The following SLAMF6 variants were observed in gnomAD, a reference collection of about 807,000 sequenced individuals.
SLAMF6 encodes the protein NK-T-B-antigen.
A neutral mutation model predicts 38.3 loss-of-function variants in SLAMF6; 21 were observed. The observed-to-expected ratio is 0.55, with a 90% CI of 0.39 to 0.79. The LOEUF (loss-of-function observed/expected upper bound fraction) is 0.79. Ranked by LOEUF, SLAMF6 falls within the 30% of genes least tolerant of loss-of-function variation. The pLI is 0.00. For missense variants in SLAMF6, 341 were observed against 385.3 expected (o/e 0.89, Z 0.96); for synonymous variants, 152 against 146.3 (o/e 1.04, Z -0.28).
intron 2 of SLAMF6, among the ~76,000 whole-genome samples, chr1:160,492,246 T>C (rs1174168031): frequency 1.3e-5 from 2 of 152,184 alleles, no homozygotes; most frequent in Non-Finnish European, 2.9e-5. Context: ...AGGAAGAGAA[T>C]GACTCCAATT....
At chr1:160,498,574 T>A (rs779203024) in intron 1 of SLAMF6, among the ~76,000 whole-genome samples, 3 of 152,100 alleles carry the variant, frequency 2.0e-5, no homozygotes, top group Non-Finnish European at 4.4e-5. Context: ...ATCATGAGAA[T>A]AGCACAGGAA....
At chr1:160,493,836 C>T (rs1653427107) in intron 2 of SLAMF6, among the ~76,000 whole-genome samples, 1 of 152,116 alleles carries the variant, frequency 6.6e-6, no homozygotes, top group Non-Finnish European at 1.5e-5. Flanking sequence ...AAGCAAGTCA[C>T]GTCTTGCATG....
rs983192412 is a variant in SLAMF6 at position 160,523,213 on chromosome 1, G to A, written c.-21C>T. On this transcript the variant is annotated 5_prime_UTR_variant, in exon 1 of 8. Coordinates refer to ENST00000368057, the MANE Select transcript of SLAMF6 (RefSeq NM_001184714.2). ...AACATGCTTTCCGCGGTGAAGACTG[G>A]TGCTTGAGACCTTGAGGCAGTCAAT... 1 of 1,611,804 alleles carries A rather than the reference G, an allele frequency of 6.2e-7. No individual in the cohort carries two copies. Among genetic ancestry groups the A allele is most frequent in the African/African-American group, 1.3e-5 (1 of 74,934 alleles).
chr1:160,496,073 G>T lies in SLAMF6; in HGVS notation c.370C>A (p.Leu124Met), dbSNP rs1487656914. ...KTSAKLSSYT[L>M]RILRQLRNIQ... ...TATTTTGACTTACTTAATATCCTCAGAGTGTAACTGGACAGCTTTGCAGAG... is the reference window on the plus strand; with the variant it reads ...TATTTTGACTTACTTAATATCCTCATAGTGTAACTGGACAGCTTTGCAGAG... The change falls in exon 2 of 8, where the codon CTG (leucine) becomes ATG (methionine). Residue 124 changes from leucine (L) to methionine (M), a missense_variant. Coordinates refer to ENST00000368057, the MANE Select transcript of SLAMF6 (RefSeq NM_001184714.2). The T allele has an allele frequency of 6.2e-7, 1 of 1,612,402 alleles. No homozygotes were observed. The highest frequency in any genetic ancestry group is 8.5e-7 in the Non-Finnish European group (1 of 1,178,868).
chr1:160,508,489 A>C (rs1253507983), intron 1 of SLAMF6, among the ~76,000 whole-genome samples: 13 of 152,308 alleles, frequency 8.5e-5, no homozygotes, highest in South Asian at 6.2e-4. Context: ...CCTTCCTTAC[A>C]CCTTATACAG....
intron 1 of SLAMF6, among the ~76,000 whole-genome samples, chr1:160,518,725 A>G (rs1654857458): frequency 1.3e-5 from 2 of 151,738 alleles, no homozygotes; most frequent in Admixed American, 6.6e-5. Context: ...ATGAGAACAC[A>G]TGGACACAAG....
rs950220148 is a variant in SLAMF6, at chr1:160,514,931, T to A, written c.49+8213A>T. ...AAGATCTCAAATTGAAATGCTAACATTAAAACTAAAAGAACTGGAGAACCA... is the reference window on the plus strand; with the variant it reads ...AAGATCTCAAATTGAAATGCTAACAATAAAACTAAAAGAACTGGAGAACCA... On this transcript the variant is annotated intron_variant, in intron 1 of 7. Coordinates refer to ENST00000368057, the MANE Select transcript of SLAMF6 (RefSeq NM_001184714.2). Among the ~76,000 whole-genome samples the A allele has an allele frequency of 7.2e-5, 11 of 152,054 alleles. No individual in the cohort carries two copies. In the East Asian group the frequency reaches 2.1e-3, roughly 29 times the overall value.
chr1:160,487,123 G>A lies in SLAMF6; in HGVS notation c.932C>T (p.Thr311Ile), dbSNP rs759975118. Residue 311 changes from threonine (T) to isoleucine (I), a missense_variant, in exon 7 of 8, where the codon ACA becomes ATA. Physicochemically the swap from Thr to Ile is moderately conservative, Grantham distance 89. Transcript: ENST00000368057. The part of the protein sequence containing the change: ...RENDTITIYS[T>I]INHSKESKPT... Reference sequence around the variant, plus strand: ...GCTTACCTCTTTGGAATGATTAATTGTGGAGTAAATTGTGATAGTATCATT... The same window carrying A: ...GCTTACCTCTTTGGAATGATTAATTATGGAGTAAATTGTGATAGTATCATT... 6.2e-7 allele frequency: 1 copy of A among 1,612,832 alleles called. No homozygotes were observed. The highest frequency in any genetic ancestry group is 8.5e-7 in the Non-Finnish European group (1 of 1,179,150).
chr1:160,489,529 T>C (rs892625072), intron 5 of SLAMF6, among the ~76,000 whole-genome samples: 14 of 152,108 alleles, frequency 9.2e-5, no homozygotes, highest in African/African-American at 3.4e-4. Context: ...TATTTCACAT[T>C]TGGGATATTA....
In SLAMF6 at chr1:160,490,186, C is replaced by T. The variant is rs1464866460; in HGVS notation, c.796+12G>A. ...TGCTTTATGATGGAGAGTTAAGAGT[C>T]TGAATGCTCACCGGGGCCCTGTGTT... On this transcript the variant is annotated intron_variant, in intron 5 of 7. Transcript: ENST00000368057. The T allele has an allele frequency of 6.2e-7, 1 of 1,613,700 alleles. No homozygotes were observed. The highest frequency in any genetic ancestry group is 1.7e-5 in the Admixed American group (1 of 59,998).
intron 1 of SLAMF6, among the ~76,000 whole-genome samples, chr1:160,497,548 G>A (rs937742843): frequency 7.2e-5 from 11 of 152,114 alleles, no homozygotes; most frequent in Non-Finnish European, 1.6e-4. Flanking sequence ...GGGGGTACAT[G>A]TGCAGATTTG....
intron 1 of SLAMF6, among the ~76,000 whole-genome samples, 154 bp downstream of exon 1, chr1:160,522,990 T>C (rs1280854361): frequency 6.6e-6 from 1 of 151,986 alleles, no homozygotes; most frequent in Non-Finnish European, 1.5e-5. Flanking sequence ...TGAGAGGAGG[T>C]AGTAGTATAT....
At chr1:160,522,477 A>G (rs543573297) in intron 1 of SLAMF6, among the ~76,000 whole-genome samples, 2 of 152,278 alleles carry the variant, frequency 1.3e-5, no homozygotes, top group African/African-American at 2.4e-5. Context: ...TAGTTCCCCA[A>G]ATGTGATATG....
At chr1:160,511,289 T>G (rs1415831570) in intron 1 of SLAMF6, among the ~76,000 whole-genome samples, 1 of 152,136 alleles carries the variant, frequency 6.6e-6, no homozygotes, top group East Asian at 1.9e-4. Context: ...AAAAGCAAAA[T>G]TGGTGGACTC....
At chr1:160,522,222 TTTAAA>T (rs1338745070) in intron 1 of SLAMF6, among the ~76,000 whole-genome samples, 1 of 152,246 alleles carries the variant, frequency 6.6e-6, no homozygotes, top group African/African-American at 2.4e-5. Context: ...GGGCAAATTA[TTTAAA>T]TTAAGTTCAC....
chr1:160,489,284 C>T, intron 5 of SLAMF6, 114 bp from the exon 6 acceptor site: 1 of 964,710 alleles, frequency 1.0e-6, no homozygotes, highest in Non-Finnish European at 1.6e-6. Flanking sequence ...TTTGAAGCAT[C>T]TCCTTTCCTG....
intron 2 of SLAMF6, among the ~76,000 whole-genome samples, chr1:160,493,382 C>T (rs764399913): frequency 4.4e-4 from 67 of 152,156 alleles, no homozygotes; most frequent in Non-Finnish European, 8.1e-4. Context: ...GTCCCCTGCT[C>T]CCTGGCACTC....
At chr1:160,499,994 A>T (rs748966551) in intron 1 of SLAMF6, among the ~76,000 whole-genome samples, 1 of 152,242 alleles carries the variant, frequency 6.6e-6, no homozygotes, top group Non-Finnish European at 1.5e-5. Flanking sequence ...CAAATATATG[A>T]TTCTATTTAT....
chr1:160,486,605 C>A lies in SLAMF6; in HGVS notation c.*102G>T. The stretch of plus-strand genomic sequence containing the variant: ...TCATCCTATCCTAGATATTCAAATT[C>A]TGTTGCCAGGAACAACAGGAACCAA... On this transcript the variant is annotated 3_prime_UTR_variant, in exon 8 of 8. Coordinates refer to ENST00000368057, the MANE Select transcript of SLAMF6 (RefSeq NM_001184714.2). The A allele has an allele frequency of 8.0e-7, 1 of 1,251,594 alleles. No individual in the cohort carries two copies. Among genetic ancestry groups the A allele is most frequent in the Non-Finnish European group, 1.2e-6 (1 of 862,758 alleles). The allele number at this position is 1,251,594 out of a possible 1,614,324, so 77.5% of individuals were successfully genotyped here. A position where few individuals can be genotyped will look rare whatever the true frequency, so the allele number is the denominator to read the frequency against.
Sources: allele counts gnomAD v4.1 joint callset (sites outside exome capture counted in the v4.1 genomes callset), GRCh38; gene constraint gnomAD v4.1.1; transcripts MANE v1.5; gene names NCBI Gene and HGNC (gene_info 2026-07-23, HGNC 2026-07-21).